The following VPS35L variants were observed in gnomAD, a reference collection of about 807,000 sequenced individuals.
The protein encoded by VPS35L is VPS35 endosomal protein-sorting factor-like.
A neutral mutation model predicts 133.0 loss-of-function variants in VPS35L; 83 were observed. That is an observed-to-expected ratio of 0.62 (90% CI 0.52 to 0.75). VPS35L has a LOEUF of 0.75. VPS35L is among the 30% of genes least tolerant of loss of function. The probability of loss-of-function intolerance (pLI) is 0.00; values close to 1 mark genes in which losing one functional copy is unlikely to be tolerated. For synonymous variants in VPS35L, 423 were observed against 449.9 expected, an observed-to-expected ratio of 0.94 and a Z score of 0.76; for missense variants, 1,083 against 1,206.8, an observed-to-expected ratio of 0.90 and a Z score of 1.52.
intron 14 of VPS35L, among the ~76,000 whole-genome samples, chr16:19,618,921 G>GTT (rs112519752): frequency 8.7e-5 from 12 of 137,764 alleles, no homozygotes; most frequent in African/African-American, 1.3e-4. Flanking sequence ...TTGCCTATCT[G>GTT]TTTTTTTTTT....
chr16:19,567,812 T>TA (rs1001779661), intron 2 of VPS35L, among the ~76,000 whole-genome samples: 4 of 151,654 alleles, frequency 2.6e-5, no homozygotes, highest in African/African-American at 9.7e-5. Context: ...CTACAAAAAG[T>TA]AAAAAAACAA....
intron 27 of VPS35L, among the ~76,000 whole-genome samples, chr16:19,680,481 T>C (rs1013713886): frequency 6.6e-6 from 1 of 152,024 alleles, no homozygotes; most frequent in African/African-American, 2.4e-5. Context: ...GCAAATGCAA[T>C]AGATGAAGTG....
intron 26 of VPS35L, among the ~76,000 whole-genome samples, chr16:19,663,151 T>A (rs9936409): frequency 0.48 from 72,079 of 151,430 alleles, 19,610 homozygotes; most frequent in African/African-American, 0.76. Flanking sequence ...CTCTACTAAA[T>A]ATACAAAAAA....
rs780451262 is a variant in VPS35L, at chr16:19,700,383, A to G, written c.2799A>G (p.Lys933=). ...ATCTTTCTTTTTCCTCATAGGTGAAAACGCTAGAATACATCAAGAAGCAAA... is the reference window on the plus strand; with the variant it reads ...ATCTTTCTTTTTCCTCATAGGTGAAGACGCTAGAATACATCAAGAAGCAAA... ...HGCADTRTMV[K]TLEYIKKQSK... Residue 933 remains lysine, a synonymous_variant, in exon 31 of 31, where the codon AAA becomes AAG. Transcript: ENST00000417362. 17 of 1,613,690 alleles carry G rather than the reference A, an allele frequency of 1.1e-5. No individual in the cohort carries two copies. The highest frequency in any genetic ancestry group is 1.4e-5 in the Non-Finnish European group (17 of 1,179,708).
chr16:19,620,844 G>A (rs891649567), intron 14 of VPS35L, among the ~76,000 whole-genome samples: 4 of 152,226 alleles, frequency 2.6e-5, no homozygotes, highest in South Asian at 2.1e-4. Flanking sequence ...CCAGCTACTC[G>A]GGAGGCTGAG....
chr16:19,578,840 T>G (rs1567395829), intron 5 of VPS35L: 1 of 581,602 alleles, frequency 1.7e-6, no homozygotes, highest in Non-Finnish European at 3.1e-6. Flanking sequence ...GCTGGCCCAC[T>G]GGGCTCCCAG....
At chr16:19,601,361 T>G (rs1270169793) in intron 8 of VPS35L, among the ~76,000 whole-genome samples, 1 of 152,222 alleles carries the variant, frequency 6.6e-6, no homozygotes, top group East Asian at 1.9e-4. Context: ...TGTTTTCACC[T>G]CTGGCCTAGC....
chr16:19,688,200 TAC>T (rs2151623363), intron 28 of VPS35L, among the ~76,000 whole-genome samples: 1 of 152,214 alleles, frequency 6.6e-6, no homozygotes, highest in South Asian at 2.1e-4. Flanking sequence ...GTGCTGGGAT[TAC>T]AGGCGTGAGC....
intron 26 of VPS35L, among the ~76,000 whole-genome samples, chr16:19,658,684 G>C (rs1322427477): frequency 7.3e-6 from 1 of 137,442 alleles, no homozygotes; most frequent in African/African-American, 3.3e-5. Flanking sequence ...TGACTTGAAA[G>C]AGGAAAAAAA....
chr16:19,672,309 A>C (rs999622346), intron 27 of VPS35L, among the ~76,000 whole-genome samples: 1 of 152,326 alleles, frequency 6.6e-6, no homozygotes, highest in African/African-American at 2.4e-5. Context: ...TCCTAGGACC[A>C]TATTTGAGAA....
intron 14 of VPS35L, among the ~76,000 whole-genome samples, chr16:19,625,443 G>A (rs986201989): frequency 6.6e-6 from 1 of 152,122 alleles, no homozygotes; most frequent in African/African-American, 2.4e-5. Context: ...CAGAAGAGGT[G>A]GGGAGCAGAG....
rs1400038627 is a variant in VPS35L, at chr16:19,578,283, T to A, written c.434-769T>A. The A allele has an allele frequency of 6.7e-6, 3 of 450,536 alleles. No individual in the cohort carries two copies. In the East Asian group the frequency reaches 2.1e-4, roughly 31 times the overall value. The allele number at this position is 450,536 out of a possible 1,614,324, so 27.9% of individuals were successfully genotyped here. On this transcript the variant is annotated intron_variant, in intron 5 of 30. Transcript: ENST00000417362. ...ACCCTAAGTCCACATTTCTTTCTTTTTTCTTTTTTTTTTTTTTGAGATGGA... is the reference window on the plus strand; with the variant it reads ...ACCCTAAGTCCACATTTCTTTCTTTATTCTTTTTTTTTTTTTTGAGATGGA...
At chr16:19,624,798 G>A (rs1296077184) in intron 14 of VPS35L, among the ~76,000 whole-genome samples, 2 of 152,136 alleles carry the variant, frequency 1.3e-5, no homozygotes, top group African/African-American at 4.8e-5. Flanking sequence ...CCCTGTCTGA[G>A]CTTTGGCTTT....
intron 27 of VPS35L, among the ~76,000 whole-genome samples, chr16:19,679,748 G>T (rs923960284): frequency 6.6e-6 from 1 of 152,032 alleles, no homozygotes; most frequent in African/African-American, 2.4e-5. Context: ...CAAGGGATCC[G>T]CCCATCTCGG....
rs113746151 is a variant in VPS35L, at chr16:19,631,488, T to G, written c.1555-1604T>G. Among the ~76,000 whole-genome samples, 804 of 151,984 alleles carry G rather than the reference T, an allele frequency of 5.3e-3. 9 individuals carry two copies. Among genetic ancestry groups the G allele is most frequent in the African/African-American group, 0.018 (752 of 41,450 alleles). On this transcript the variant is annotated intron_variant, in intron 18 of 30. Coordinates refer to ENST00000417362, the MANE Select transcript of VPS35L (RefSeq NM_020314.7). ...AATGTTGGTCCATTGATTTTTGTGG[T>G]TTTTTTTGGTCCTATTTTTATTTTA... is the stretch of plus-strand genomic sequence containing the variant.
intron 28 of VPS35L, among the ~76,000 whole-genome samples, chr16:19,689,675 G>A (rs1975597723): frequency 6.6e-6 from 1 of 152,118 alleles, no homozygotes; most frequent in South Asian, 2.1e-4. Flanking sequence ...TTTGCACACT[G>A]TACTGAATAG....
At chr16:19,579,272 G>A (rs1971634043) in intron 6 of VPS35L, 144 bp downstream of exon 6, 1 of 719,720 alleles carries the variant, frequency 1.4e-6, no homozygotes, top group Non-Finnish European at 2.3e-6. Flanking sequence ...ACTCCATCCA[G>A]GGAAGGGTGC....
At chr16:19,663,359 T>C (rs1340033792) in intron 26 of VPS35L, among the ~76,000 whole-genome samples, 2 of 152,162 alleles carry the variant, frequency 1.3e-5, no homozygotes, top group African/African-American at 4.8e-5. Flanking sequence ...GTGAAAAAAT[T>C]GGTGTCCATC....
intron 25 of VPS35L, 60 bp from the exon 26 acceptor site, chr16:19,651,916 C>G (rs1397350216): frequency 1.7e-6 from 2 of 1,182,978 alleles, no homozygotes; most frequent in Non-Finnish European, 2.5e-6. Context: ...GGGATGAAAA[C>G]AGGAGTATGA....
Sources: allele counts gnomAD v4.1 joint callset (sites outside exome capture counted in the v4.1 genomes callset), GRCh38; gene constraint gnomAD v4.1.1; transcripts MANE v1.5; gene names NCBI Gene and HGNC (gene_info 2026-07-23, HGNC 2026-07-21).